The following PTPRE variants were observed in gnomAD, a reference collection of about 807,000 sequenced individuals.
PTPRE encodes receptor-type tyrosine-protein phosphatase epsilon.
Under a neutral mutation model 102.0 loss-of-function variants are expected in PTPRE, and 51 were observed. The observed-to-expected ratio is 0.50, with a 90% confidence interval of 0.40 to 0.63. The LOEUF (loss-of-function observed/expected upper bound fraction) is 0.63, where lower values mean the gene tolerates loss of function less well. Ranked by LOEUF, PTPRE falls within the 30% of genes least tolerant of loss-of-function variation. PTPRE has a pLI of 0.00. For synonymous variants in PTPRE, 345 were observed against 348.2 expected (o/e 0.99, Z 0.10); for missense variants, 752 against 915.1 (o/e 0.82, Z 2.30).
intron 2 of PTPRE, among the ~76,000 whole-genome samples, chr10:128,019,577 A>C (rs1406974467): frequency 6.6e-6 from 1 of 152,116 alleles, no homozygotes; most frequent in Non-Finnish European, 1.5e-5. Context: ...GGGAATGGGA[A>C]CCCTGAACAC....
chr10:128,048,610 G>T (rs759716951), intron 5 of PTPRE, among the ~76,000 whole-genome samples: 2 of 152,186 alleles, frequency 1.3e-5, no homozygotes, highest in Non-Finnish European at 1.5e-5. Flanking sequence ...CCCGAGACCT[G>T]GTTAGACGAT....
chr10:128,002,683 CTTTTTTTTTTTTTTTTTTTTTTTT>C (rs59007980), intron 2 of PTPRE, among the ~76,000 whole-genome samples: 2 of 41,154 alleles, frequency 4.9e-5, no homozygotes, highest in Non-Finnish European at 8.2e-5. Flanking sequence ...AGTCACATAT[CTTTTTTTTTTTTTTTTTTTTTTTT>C]TTTTTTTTTT....
chr10:128,018,359 A>G (rs2135670170), intron 2 of PTPRE, among the ~76,000 whole-genome samples: 1 of 152,298 alleles, frequency 6.6e-6, no homozygotes, highest in Non-Finnish European at 1.5e-5. Flanking sequence ...GGCTGGATGG[A>G]CCCATCTGCA....
chr10:128,067,085 C>A (rs567951135), intron 11 of PTPRE, among the ~76,000 whole-genome samples: 1 of 151,966 alleles, frequency 6.6e-6, no homozygotes, highest in East Asian at 1.9e-4. Context: ...CACACACAGG[C>A]ACACACATGC....
chr10:127,996,500 C>A (rs1315715353), intron 2 of PTPRE, among the ~76,000 whole-genome samples: 1 of 152,200 alleles, frequency 6.6e-6, no homozygotes, highest in Non-Finnish European at 1.5e-5. Flanking sequence ...AGTAAAACCT[C>A]CAACCTGAGA....
chr10:128,080,281 G>A, intron 20 of PTPRE, among the ~76,000 whole-genome samples: 1 of 152,196 alleles, frequency 6.6e-6, no homozygotes, highest in East Asian at 1.9e-4. Flanking sequence ...TGCTAACCCA[G>A]CGAGTACAAT....
At position 127,911,720 on chromosome 10, in the gene PTPRE, G is replaced by A. The variant is rs148117119; in HGVS notation, c.-31+4411G>A. ...GGGAGGCCTCCTGTTTCTTGGCTCA[G>A]CATTTGGGCCACGTGTCTCTCTGCT... is the stretch of plus-strand genomic sequence containing the variant. On this transcript the variant is annotated intron_variant, in intron 1 of 20. Coordinates refer to ENST00000254667, the MANE Select transcript of PTPRE (RefSeq NM_006504.6). Among the ~76,000 whole-genome samples, 410 of 152,322 alleles carry A rather than the reference G, an allele frequency of 2.7e-3. 2 individuals are homozygous for A. Among genetic ancestry groups the A allele is most frequent in the African/African-American group, 9.3e-3 (385 of 41,570 alleles).
At chr10:127,943,314 G>T (rs925228745) in intron 1 of PTPRE, among the ~76,000 whole-genome samples, 4 of 152,150 alleles carry the variant, frequency 2.6e-5, no homozygotes, top group African/African-American at 9.7e-5. Context: ...CCCCAAACTT[G>T]CCTGGCTGCC....
chr10:128,008,230 T>TC lies in PTPRE; in HGVS notation c.-8+25937dup, dbSNP rs1361946925. Among the ~76,000 whole-genome samples the TC allele has an allele frequency of 9.6e-5, 13 of 134,822 alleles. No homozygotes were observed. The highest frequency in any genetic ancestry group is 1.8e-4 in the Non-Finnish European group (11 of 62,742). 88.4% of individuals were successfully genotyped at this position (134,822 alleles called of 152,430 possible). A position where few individuals can be genotyped will look rare whatever the true frequency, so the allele number is the denominator to read the frequency against. On this transcript the variant is annotated intron_variant, in intron 2 of 20. Coordinates refer to ENST00000254667, the MANE Select transcript of PTPRE (RefSeq NM_006504.6). The surrounding 1 kb of genome is among the most constrained non-coding windows in gnomAD (Gnocchi z 4.0). Reference sequence around the variant, plus strand: ...GCTGGCTCGTCCGCCCTCGCCTCCCTCCCTCCCTTTCACCCTCCCTCCCTC... The same window carrying TC: ...GCTGGCTCGTCCGCCCTCGCCTCCCTCCCCTCCCTTTCACCCTCCCTCCCTC...
At chr10:127,927,777 T>C (rs185500771) in intron 1 of PTPRE, among the ~76,000 whole-genome samples, 1 of 152,364 alleles carries the variant, frequency 6.6e-6, no homozygotes, top group East Asian at 1.9e-4. Flanking sequence ...GTGGGTAGTT[T>C]AGTCGTATCA....
chr10:127,976,003 G>A (rs904591740), intron 1 of PTPRE, among the ~76,000 whole-genome samples: 1 of 151,992 alleles, frequency 6.6e-6, no homozygotes, highest in Non-Finnish European at 1.5e-5. Context: ...GGTGCTTGGC[G>A]GGGAGTCTGG....
chr10:127,939,074 C>A (rs571298806), intron 1 of PTPRE, among the ~76,000 whole-genome samples: 53 of 152,288 alleles, frequency 3.5e-4, no homozygotes, highest in Admixed American at 9.2e-4. Flanking sequence ...TTTATGAATG[C>A]CTTTCTGAAC....
At chr10:128,064,299 G>T (rs1213456164) in intron 10 of PTPRE, among the ~76,000 whole-genome samples, 1 of 152,250 alleles carries the variant, frequency 6.6e-6, no homozygotes, top group Non-Finnish European at 1.5e-5. Context: ...GGAATAGGAT[G>T]GAGGCTTTCA....
chr10:127,951,239 G>A (rs1159564031), intron 1 of PTPRE, among the ~76,000 whole-genome samples: 1 of 152,086 alleles, frequency 6.6e-6, no homozygotes, highest in Admixed American at 6.5e-5. Context: ...TCCCAGACTT[G>A]AGCCAGTTTA....
At chr10:127,948,442 A>G (rs905955521) in intron 1 of PTPRE, among the ~76,000 whole-genome samples, 2 of 152,142 alleles carry the variant, frequency 1.3e-5, no homozygotes, top group African/African-American at 4.8e-5. Context: ...GATATATGAC[A>G]TGTATCCACC....
intron 19 of PTPRE, 132 bp downstream of exon 19, chr10:128,077,915 C>T (rs1851367812): frequency 2.0e-6 from 2 of 1,009,136 alleles, no homozygotes; most frequent in Non-Finnish European, 2.8e-6. Flanking sequence ...CTCTCTACCT[C>T]TCCTTACACA....
At position 128,085,103 on chromosome 10, in the gene PTPRE, G is replaced by A. The variant is rs746799906; in HGVS notation, c.*2197G>A. ...AAGGAGAAGCCACTTTCCCCAGGAC[G>A]CAAGACTCTCCCCTCCACTGTCCGG... On this transcript the variant is annotated 3_prime_UTR_variant, in exon 21 of 21. Coordinates refer to ENST00000254667, the MANE Select transcript of PTPRE (RefSeq NM_006504.6). 9 of 455,916 alleles carry A rather than the reference G, an allele frequency of 2.0e-5. No individual in the cohort carries two copies. The East Asian group carries it at 2.1e-4, about 11-fold the overall frequency. 28.2% of individuals were successfully genotyped at this position (455,916 alleles called of 1,614,324 possible).
In PTPRE at chr10:127,944,948, G is replaced by A. The variant is rs1409003525; in HGVS notation, c.-30-37326G>A. On this transcript the variant is annotated intron_variant, in intron 1 of 20. Transcript: ENST00000254667. This position sits in a 1 kb window ranked among gnomAD's most constrained non-coding sequence, Gnocchi z 4.2. The stretch of plus-strand genomic sequence containing the variant: ...CGGCATCTAGAGTGACCCCCAGTGG[G>A]CTGGACAGCTGGGGGGATGGTGGCA... Among the ~76,000 whole-genome samples the A allele has an allele frequency of 6.6e-6, 1 of 152,172 alleles. No individual in the cohort carries two copies. The highest frequency in any genetic ancestry group is 1.5e-5 in the Non-Finnish European group (1 of 68,024).
chr10:128,043,303 G>A (rs1847854590), intron 3 of PTPRE, among the ~76,000 whole-genome samples: 1 of 152,226 alleles, frequency 6.6e-6, no homozygotes, highest in Non-Finnish European at 1.5e-5. Context: ...CCCCTCTGGG[G>A]GTGATGGGAG....
Sources: gnomAD v4.1 joint callset for allele counts (sites outside exome capture counted in the v4.1 genomes callset) on GRCh38, gnomAD v4.1.1 for gene constraint, Gnocchi (gnomAD v3.1) non-coding constraint, MANE v1.5 for transcripts, NCBI Gene and HGNC (gene_info 2026-07-23, HGNC 2026-07-21) for gene names.